ARG1: variants seen among roughly 807,000 people sequenced by gnomAD.
ARG1 encodes arginase-1.
ARG1 carries 20 observed loss-of-function variants against 33.0 expected under a neutral mutation model. The observed-to-expected ratio is 0.61, with a 90% CI of 0.43 to 0.88. ARG1 has a LOEUF of 0.88. ARG1 is among the 40% of genes least tolerant of loss of function. The pLI is 0.00. For missense variants in ARG1, 374 were observed against 384.7 expected (o/e 0.97, Z 0.23); for synonymous variants, 146 against 140.6 (o/e 1.04, Z -0.27).
At chr6:131,576,312 T>C (rs150457491) in intron 1 of ARG1, among the ~76,000 whole-genome samples, 1 of 152,354 alleles carries the variant, frequency 6.6e-6, no homozygotes, top group African/African-American at 2.4e-5. Flanking sequence ...ACCAGACTGC[T>C]TTTGCACAAA....
rs1774036379 is a variant in ARG1, at chr6:131,583,366, C to CA, written c.679dup (p.Ile227AsnfsTer6). 3 of 1,613,892 alleles carry CA rather than the reference C, an allele frequency of 1.9e-6. No homozygotes were observed. The highest frequency in any genetic ancestry group is 1.3e-5 in the African/African-American group (1 of 74,874). On this transcript the variant is annotated frameshift_variant, in exon 7 of 8. Coordinates refer to ENST00000368087, the MANE Select transcript of ARG1 (RefSeq NM_000045.4). LOFTEE classifies it high-confidence loss of function. Reference sequence around the variant, plus strand: ...CCACTTCTTAAAAGAAAGAAAAGGCCAATTCATCTAAGTTTTGATGTTGAC... The same window carrying CA: ...CCACTTCTTAAAAGAAAGAAAAGGCCAAATTCATCTAAGTTTTGATGTTGAC...
At chr6:131,576,357 G>A (rs1449696278) in intron 1 of ARG1, among the ~76,000 whole-genome samples, 1 of 152,186 alleles carries the variant, frequency 6.6e-6, no homozygotes, top group Non-Finnish European at 1.5e-5. Flanking sequence ...ATGGTTTGAC[G>A]GGAAGAGGGG....
rs1774058133 is a variant in ARG1 at position 131,583,729 on chromosome 6, T to TTTG, written c.803-5_803-3dup. On this transcript the variant is annotated splice_polypyrimidine_tract_variant and intron_variant, in intron 7 of 7. Coordinates refer to ENST00000368087, the MANE Select transcript of ARG1 (RefSeq NM_000045.4). ...TATTTTATAAATTACATTATTACAA[T>TTTG]TTGTTGTTGTAGGGCTACTCTCAGG... 1.2e-6 allele frequency: 2 copies of TTTG among 1,611,952 alleles called. No individual in the cohort carries two copies. Among genetic ancestry groups the TTTG allele is most frequent in the Middle Eastern group, 1.7e-4 (1 of 6,056 alleles).
intron 4 of ARG1, 65 bp downstream of exon 4, chr6:131,581,443 G>A (rs540828658): frequency 6.6e-7 from 1 of 1,504,206 alleles, no homozygotes; most frequent in East Asian, 2.4e-5. Flanking sequence ...GGAGGTGGAA[G>A]GGAAATGAGA....
In ARG1 at chr6:131,581,235, ATC is replaced by A. The variant is rs1276600622; in HGVS notation, c.326_327del (p.Ser109TrpfsTer8). 3 of 1,613,900 alleles carry A rather than the reference ATC, an allele frequency of 1.9e-6. No homozygotes were observed. The Admixed American group carries it at 5.0e-5, about 27-fold the overall frequency. On this transcript the variant is annotated frameshift_variant, in exon 4 of 8. Coordinates refer to ENST00000368087, the MANE Select transcript of ARG1 (RefSeq NM_000045.4). LOFTEE classifies it high-confidence loss of function. ...GGDHSLAIGSISGHARVHPDL... is the reference protein window; with the variant it reads ...GGDHSLAIGSXSGHARVHPDL... Reference sequence around the variant, plus strand: ...CCCCAAAAGTTTGGCAATTGGAAGCATCTCTGGCCATGCCAGGGTCCACCCTG... The same window carrying A: ...CCCCAAAAGTTTGGCAATTGGAAGCATCTGGCCATGCCAGGGTCCACCCTG...
intron 4 of ARG1, among the ~76,000 whole-genome samples, chr6:131,582,051 A>G (rs1287043309): frequency 6.6e-6 from 1 of 152,182 alleles, no homozygotes; most frequent in Non-Finnish European, 1.5e-5. Context: ...TGATACAATT[A>G]TAATATTTGG....
intron 7 of ARG1, 103 bp from the exon 8 acceptor site, chr6:131,583,639 T>C: frequency 4.6e-6 from 7 of 1,518,556 alleles, no homozygotes; most frequent in Non-Finnish European, 5.4e-6. Flanking sequence ...TTTCCATCGG[T>C]TACTACCTTT....
rs751362545 is a variant in ARG1, at chr6:131,574,325, T to G, written c.57+986T>G. On this transcript the variant is annotated intron_variant, in intron 1 of 7. Transcript: ENST00000368087. ...AAAACAAATTGAGAGAGGCCAGAGG[T>G]TAGAGGCCCAAACTGCATTTGGACT... The G allele has an allele frequency of 3.7e-6, 6 of 1,613,742 alleles. No homozygotes were observed. In the East Asian group the frequency reaches 1.3e-4, roughly 36 times the overall value.
rs775104877 is a variant in ARG1, at chr6:131,582,705, C to T, written c.550C>T (p.Pro184Ser). 4.3e-6 allele frequency: 7 copies of T among 1,613,548 alleles called. No homozygotes were observed. In the South Asian group the frequency reaches 7.7e-5, roughly 18 times the overall value. ...IVYIGLRDVD[P>S]GEHYILKTLG... is the part of the protein sequence containing the mutation. ...GTATATTGGCTTGAGAGACGTGGACCCTGGGGAACAGTAAGCTTATTCCTT... is the reference window on the plus strand; with the variant it reads ...GTATATTGGCTTGAGAGACGTGGACTCTGGGGAACAGTAAGCTTATTCCTT... The change falls in exon 5 of 8, where the codon CCT (proline) becomes TCT (serine). Residue 184 changes from proline to serine, a missense_variant. Coordinates refer to ENST00000368087, the MANE Select transcript of ARG1 (RefSeq NM_000045.4).
Position 131,584,175 on chromosome 6 carries a change from T to C in ARG1, c.*267T>C. ...TGTACATTGATTTCCAATTAAAAAT[T>C]TGCTGGCATTAAAAATAAGCACACT... is the stretch of plus-strand genomic sequence containing the variant. On this transcript the variant is annotated 3_prime_UTR_variant, in exon 8 of 8. Coordinates refer to ENST00000368087, the MANE Select transcript of ARG1 (RefSeq NM_000045.4). 3 of 435,604 alleles carry C rather than the reference T, an allele frequency of 6.9e-6. No homozygotes were observed. The highest frequency in any genetic ancestry group is 8.2e-6 in the Non-Finnish European group (2 of 242,862). The allele number at this position is 435,604 out of a possible 1,614,324, so 27.0% of individuals were successfully genotyped here. A position where few individuals can be genotyped will look rare whatever the true frequency, so the allele number is the denominator to read the frequency against.
chr6:131,578,186 T>TAA (rs34484161), intron 2 of ARG1, among the ~76,000 whole-genome samples: 3,012 of 140,066 alleles, frequency 0.022, 103 homozygotes, highest in African/African-American at 0.072. Context: ...CGTAAATCTT[T>TAA]AAAAAAAAAA....
chr6:131,579,876 GAC>G (rs1026378251), intron 3 of ARG1, among the ~76,000 whole-genome samples: 10 of 151,820 alleles, frequency 6.6e-5, no homozygotes, highest in African/African-American at 2.4e-4. Context: ...GAGAGAGAGA[GAC>G]AGATGTCTAT....
intron 2 of ARG1, among the ~76,000 whole-genome samples, chr6:131,577,598 C>T (rs1231489607): frequency 6.6e-6 from 1 of 151,864 alleles, no homozygotes; most frequent in Non-Finnish European, 1.5e-5. Flanking sequence ...AGATAGTATT[C>T]AACAATAAAA....
intron 1 of ARG1, chr6:131,574,077 C>T: frequency 6.5e-6 from 4 of 616,394 alleles, no homozygotes; most frequent in Admixed American, 5.2e-5. Flanking sequence ...TTTTTTCTGC[C>T]TGGGCACACT....
At chr6:131,577,013 AGG>A (rs1158523247) in intron 2 of ARG1, among the ~76,000 whole-genome samples, 1 of 150,808 alleles carries the variant, frequency 6.6e-6, no homozygotes, top group African/African-American at 2.4e-5. Context: ...GGTGGATGGT[AGG>A]GGAGCCGGGG....
rs1773629705 is a variant in ARG1, at chr6:131,576,693, G to A, written c.88G>A (p.Val30Ile). 2.5e-6 allele frequency: 4 copies of A among 1,614,112 alleles called. No individual in the cohort carries two copies. Among genetic ancestry groups the A allele is most frequent in the Non-Finnish European group, 3.4e-6 (4 of 1,179,990 alleles). Residue 30 changes from valine to isoleucine, a missense_variant, in exon 2 of 8, where the codon GTA (valine) becomes ATA (isoleucine). By Grantham distance (29) the Val-to-Ile change is conservative. Coordinates refer to ENST00000368087, the MANE Select transcript of ARG1 (RefSeq NM_000045.4). ...AGGAGGGGTGGAAGAAGGCCCTACA[G>A]TATTGAGAAAGGCTGGTCTGCTTGA... The part of the protein sequence containing the change: ...PRGGVEEGPT[V>I]LRKAGLLEKL...
intron 1 of ARG1, among the ~76,000 whole-genome samples, chr6:131,576,181 T>C (rs1356760115): frequency 6.6e-6 from 1 of 152,230 alleles, no homozygotes; most frequent in East Asian, 1.9e-4. Context: ...TTTTTGTTAC[T>C]AGGACATTTT....
chr6:131,577,460 C>T (rs1031526459), intron 2 of ARG1, among the ~76,000 whole-genome samples: 1 of 152,100 alleles, frequency 6.6e-6, no homozygotes, highest in African/African-American at 2.4e-5. Context: ...GTTTTCATTT[C>T]TCTTGGGTAA....
At chr6:131,576,141 C>T (rs1474230980) in intron 1 of ARG1, among the ~76,000 whole-genome samples, 3 of 152,180 alleles carry the variant, frequency 2.0e-5, no homozygotes, top group Admixed American at 1.3e-4. Flanking sequence ...ACTGACACAC[C>T]CTGTCCCCAA....
Sources: gnomAD v4.1 joint callset for allele counts (sites outside exome capture counted in the v4.1 genomes callset) on GRCh38, gnomAD v4.1.1 for gene constraint, MANE v1.5 for transcripts, NCBI Gene and HGNC (gene_info 2026-07-23, HGNC 2026-07-21) for gene names.